The following TBX18 variants were observed in gnomAD, a reference collection of about 807,000 sequenced individuals.
The protein encoded by TBX18 is T-box transcription factor TBX18.
In TBX18, 21 loss-of-function variants were observed where a neutral mutation model predicts 55.0. That is an observed-to-expected ratio of 0.38 (90% CI 0.27 to 0.55). TBX18 has a LOEUF of 0.55. TBX18 is among the 20% of genes least tolerant of loss of function. The pLI, the probability that TBX18 is intolerant of heterozygous loss-of-function variation, is 0.73. For missense variants in TBX18, 840 were observed against 799.6 expected (o/e 1.05, Z -0.61); for synonymous variants, 342 against 326.1 (o/e 1.05, Z -0.53).
At position 84,735,501 on chromosome 6, in the gene TBX18, T is replaced by C. The variant is rs1346678241; in HGVS notation, c.*1184A>G. The stretch of plus-strand genomic sequence containing the variant: ...TGCACTATAGCTCCCAAAAGACAGA[T>C]TGCTGGAGATAACCTACTGAAATTC... On this transcript the variant is annotated 3_prime_UTR_variant, in exon 8 of 8. Coordinates refer to ENST00000369663, the MANE Select transcript of TBX18 (RefSeq NM_001080508.3). The C allele has an allele frequency of 1.3e-5, 2 of 152,198 alleles. No individual in the cohort carries two copies. The highest frequency in any genetic ancestry group is 2.4e-5 in the African/African-American group (1 of 41,452). The allele number at this position is 152,198 out of a possible 1,614,324, so 9.4% of individuals were successfully genotyped here.
Position 84,764,161 on chromosome 6 carries a change from G to C in TBX18, c.21C>G (p.Gly7=). The change falls in exon 1 of 8, where the codon GGC becomes GGG. Residue 7 remains glycine, a synonymous_variant. Coordinates refer to ENST00000369663, the MANE Select transcript of TBX18 (RefSeq NM_001080508.3). MAEKRR[G]SPCSMLSLKA... ...TGAGGCTTAGCATGCTGCACGGCGA[G>C]CCCCTTCGCTTCTCGGCCATCCCCC... is the stretch of plus-strand genomic sequence containing the variant. The C allele has an allele frequency of 6.6e-7, 1 of 1,518,496 alleles. No homozygotes were observed. The highest frequency in any genetic ancestry group is 8.8e-7 in the Non-Finnish European group (1 of 1,142,500). The allele number at this position is 1,518,496 out of a possible 1,614,324, so 94.1% of individuals were successfully genotyped here.
chr6:84,748,631 C>T (rs1399487630), intron 4 of TBX18, among the ~76,000 whole-genome samples: 1 of 152,126 alleles, frequency 6.6e-6, no homozygotes, highest in Non-Finnish European at 1.5e-5. Context: ...TTGCTGGGAG[C>T]GCCCAGTGTC....
intron 1 of TBX18, chr6:84,762,954 T>G: frequency 1.6e-6 from 1 of 607,564 alleles, no homozygotes; most frequent in Non-Finnish European, 2.9e-6. Flanking sequence ...AGAGCTCCAG[T>G]GTGGCCTGCT....
intron 7 of TBX18, among the ~76,000 whole-genome samples, chr6:84,738,244 C>A (rs971157482): frequency 2.6e-5 from 4 of 152,026 alleles, no homozygotes; most frequent in Non-Finnish European, 5.9e-5. Flanking sequence ...AATTTTAATA[C>A]GAGATTTAAG....
At chr6:84,763,358 G>C in intron 1 of TBX18, 1 of 457,250 alleles carries the variant, frequency 2.2e-6, no homozygotes, top group South Asian at 1.5e-5. Flanking sequence ...TGAAAAGCAA[G>C]CCCGCGGTCG....
intron 7 of TBX18, 143 bp downstream of exon 7, chr6:84,738,354 G>T: frequency 1.1e-5 from 8 of 732,146 alleles, no homozygotes; most frequent in East Asian, 1.0e-4. Context: ...CCCATACCAT[G>T]CAGAAGACAG....
chr6:84,744,467 T>C (rs895135391), intron 5 of TBX18, 142 bp from the exon 6 acceptor site: 5 of 629,716 alleles, frequency 7.9e-6, no homozygotes, highest in Admixed American at 3.3e-5. Context: ...AGTATTTTAA[T>C]ATCCTAGCAG....
chr6:84,740,178 C>T, intron 6 of TBX18, among the ~76,000 whole-genome samples: 1 of 152,132 alleles, frequency 6.6e-6, no homozygotes, highest in Non-Finnish European at 1.5e-5. Flanking sequence ...CAGAGGGGAC[C>T]TGCACCTGCT....
chr6:84,744,518 T>C (rs568814348), intron 5 of TBX18, among the ~76,000 whole-genome samples, 193 bp from the exon 6 acceptor site: 14 of 152,288 alleles, frequency 9.2e-5, no homozygotes, highest in African/African-American at 2.9e-4. Context: ...AGAACATTCA[T>C]CTGCTCTAAA....
chr6:84,739,821 T>C (rs368607849), intron 6 of TBX18, among the ~76,000 whole-genome samples: 1 of 152,176 alleles, frequency 6.6e-6, no homozygotes, highest in Non-Finnish European at 1.5e-5. Flanking sequence ...TTTGTGCCAA[T>C]AAAACTATCT....
intron 4 of TBX18, among the ~76,000 whole-genome samples, chr6:84,753,449 A>AG (rs1394266650): frequency 6.6e-6 from 1 of 151,532 alleles, no homozygotes; most frequent in Non-Finnish European, 1.5e-5. Context: ...GAAAAAAAAA[A>AG]AGCAATTTAG....
chr6:84,751,954 C>T (rs1767360210), intron 4 of TBX18, among the ~76,000 whole-genome samples: 1 of 152,146 alleles, frequency 6.6e-6, no homozygotes, highest in Admixed American at 6.5e-5. Context: ...AGGAGAACCA[C>T]TGGTCGTATA....
chr6:84,756,838 C>T lies in TBX18; in HGVS notation c.631G>A (p.Ala211Thr), dbSNP rs1264109377. 14 of 1,614,094 alleles carry T rather than the reference C, an allele frequency of 8.7e-6. No homozygotes were observed. Among genetic ancestry groups the T allele is most frequent in the Non-Finnish European group, 1.1e-5 (13 of 1,179,976 alleles). The stretch of plus-strand genomic sequence containing the variant: ...GGCACAGGCGAGTCAGCATTACCTG[C>T]CACCATCCATTTCGAACTGTGGTAA... ...YVYHSSKWMV[A>T]GNADSPVPPR... Residue 211 changes from alanine to threonine, a missense_variant, in exon 4 of 8, where the codon GCA (alanine) becomes ACA (threonine). Physicochemically the swap from Ala to Thr is moderately conservative, Grantham distance 58 (BLOSUM62 0). Transcript: ENST00000369663.
At chr6:84,763,415 C>T (rs1438187783) in intron 1 of TBX18, 1 of 458,968 alleles carries the variant, frequency 2.2e-6, no homozygotes, top group Non-Finnish European at 4.4e-6. Flanking sequence ...AAGGGAACCG[C>T]TCAACTACCC....
chr6:84,734,855 C>A lies in TBX18; in HGVS notation c.*1830G>T, dbSNP rs1292698385. ...CTTTGTCAAGCTATTAATGCCATAC[C>A]CAAACATCTTACATAGATCCACCTA... On this transcript the variant is annotated 3_prime_UTR_variant, in exon 8 of 8. Transcript: ENST00000369663. 58 of 152,078 alleles carry A rather than the reference C, an allele frequency of 3.8e-4. 1 individual carries two copies. The highest frequency in any genetic ancestry group is 3.8e-3 in the Admixed American group (58 of 15,278). 9.4% of individuals were successfully genotyped at this position (152,078 alleles called of 1,614,324 possible). A position where few individuals can be genotyped will look rare whatever the true frequency, so the allele number is the denominator to read the frequency against.
chr6:84,755,432 G>A (rs1454925305), intron 4 of TBX18, among the ~76,000 whole-genome samples: 3 of 152,176 alleles, frequency 2.0e-5, no homozygotes, highest in Admixed American at 1.3e-4. Flanking sequence ...CAATGAATGT[G>A]CTGAGTATAT....
intron 6 of TBX18, among the ~76,000 whole-genome samples, chr6:84,739,329 G>T (rs1162310986): frequency 6.6e-6 from 1 of 152,022 alleles, no homozygotes; most frequent in African/African-American, 2.4e-5. Flanking sequence ...AAGAGACAGG[G>T]TAAGTTTCAT....
chr6:84,756,005 C>T (rs935947114), intron 4 of TBX18, among the ~76,000 whole-genome samples: 2 of 152,098 alleles, frequency 1.3e-5, no homozygotes, highest in African/African-American at 4.8e-5. Context: ...ATAACAGAAA[C>T]CTAATTTTAA....
chr6:84,746,459 A>G (rs978076635), intron 5 of TBX18, among the ~76,000 whole-genome samples: 2 of 146,952 alleles, frequency 1.4e-5, no homozygotes, highest in Admixed American at 6.9e-5. Flanking sequence ...TTCGTATATT[A>G]TATATTATTG....
Sources: gnomAD v4.1 joint callset for allele counts (sites outside exome capture counted in the v4.1 genomes callset) on GRCh38, gnomAD v4.1.1 for gene constraint, MANE v1.5 for transcripts, NCBI Gene and HGNC (gene_info 2026-07-23, HGNC 2026-07-21) for gene names.